PNN: variants seen among roughly 807,000 people sequenced by gnomAD.
PNN encodes pinin, desmosome associated protein.
PNN carries 38 observed loss-of-function variants against 76.6 expected under a neutral mutation model. That is an observed-to-expected ratio of 0.50 (90% CI 0.38 to 0.65). The LOEUF (loss-of-function observed/expected upper bound fraction) is 0.65. Among genes scored for constraint, PNN ranks in the 30% least tolerant of loss-of-function variants. The probability of loss-of-function intolerance (pLI) is 0.00; values close to 1 mark genes in which losing one functional copy is unlikely to be tolerated. For synonymous variants in PNN, 366 were observed against 283.7 expected, an observed-to-expected ratio of 1.29 and a Z score of -2.91; for missense variants, 873 against 874.1, an observed-to-expected ratio of 1.00 and a Z score of 0.02.
intron 5 of PNN, 22 bp downstream of exon 5, chr14:39,177,709 ACT>A: frequency 1.3e-6 from 2 of 1,561,850 alleles, no homozygotes; most frequent in Non-Finnish European, 1.8e-6. Context: ...GGGGAAAAAA[ACT>A]CTAGTGAAAT....
chr14:39,183,065 C>T lies in PNN; in HGVS notation c.*1202C>T, dbSNP rs2053280783. On this transcript the variant is annotated 3_prime_UTR_variant, in exon 9 of 9. Coordinates refer to ENST00000216832, the MANE Select transcript of PNN (RefSeq NM_002687.4). ...CCTTGACTTTGAATATTCATTTTGC[C>T]TTCCCTTGACAAGTAAATGGTTACA... 1 of 152,620 alleles carries T rather than the reference C, an allele frequency of 6.6e-6. No individual in the cohort carries two copies. Among genetic ancestry groups the T allele is most frequent in the South Asian group, 2.1e-4 (1 of 4,832 alleles). The allele number at this position is 152,620 out of a possible 1,614,324, so 9.5% of individuals were successfully genotyped here.
chr14:39,176,398 G>T, intron 2 of PNN, 129 bp from the exon 3 acceptor site: 1 of 707,490 alleles, frequency 1.4e-6, no homozygotes, highest in Non-Finnish European at 2.4e-6. Flanking sequence ...AAGCATTTTG[G>T]AATGAATGCC....
Position 39,182,039 on chromosome 14 carries a change from G to T in PNN, c.*176G>T. The T allele has an allele frequency of 5.5e-6, 3 of 542,484 alleles. No homozygotes were observed. Among genetic ancestry groups the T allele is most frequent in the Non-Finnish European group, 9.1e-6 (3 of 329,796 alleles). 33.6% of individuals were successfully genotyped at this position (542,484 alleles called of 1,614,324 possible). ...ATTCTTGTACTTTTTGCATAATTTT[G>T]TAAGAGTTATTTATCAAAATTATGT... is the stretch of plus-strand genomic sequence containing the variant. On this transcript the variant is annotated 3_prime_UTR_variant, in exon 9 of 9. Coordinates refer to ENST00000216832, the MANE Select transcript of PNN (RefSeq NM_002687.4).
chr14:39,181,106 C>G lies in PNN; in HGVS notation c.1397C>G (p.Ser466Cys). 6.2e-7 allele frequency: 1 copy of G among 1,613,516 alleles called. No homozygotes were observed. Among genetic ancestry groups the G allele is most frequent in the South Asian group, 1.1e-5 (1 of 91,030 alleles). Reference sequence around the variant, plus strand: ...TCTGAGGAAAAAGAAGAAAAAGAATCTGAGCCCCAACCTGAGCCTGTGGCT... The same window carrying G: ...TCTGAGGAAAAAGAAGAAAAAGAATGTGAGCCCCAACCTGAGCCTGTGGCT... Reference protein sequence around the residue: ...KESEEKEEKESEPQPEPVAQP... With the variant: ...KESEEKEEKECEPQPEPVAQP... Residue 466 changes from serine to cysteine, a missense_variant, in exon 9 of 9, where the codon TCT becomes TGT. Transcript: ENST00000216832.
rs1486499372 is a variant in PNN, at chr14:39,180,773, A to G, written c.1064A>G (p.Glu355Gly). The change falls in exon 9 of 9, where the codon GAG becomes GGG. Residue 355 changes from glutamate (E) to glycine (G), a missense_variant. This residue lies in a region of PNN where 712 missense variants were observed against 693.1 expected (regional missense o/e 1.03). Transcript: ENST00000216832. ...AGTGATGCAGAGAAAGAACAGGAGG[A>G]GGAAGAACAAAAACAGGAAATGGAG... ...VHSDAEKEQE[E>G]EEQKQEMEVK... 19 of 1,606,842 alleles carry G rather than the reference A, an allele frequency of 1.2e-5. No individual in the cohort carries two copies. Among genetic ancestry groups the G allele is most frequent in the Non-Finnish European group, 1.6e-5 (19 of 1,176,018 alleles).
In PNN at chr14:39,180,734, T is replaced by C; in HGVS notation, c.1025T>C (p.Ile342Thr). The part of the protein sequence containing the change: ...EEAGEEEEKE[I>T]AIVHSDAEKE... Reference sequence around the variant, plus strand: ...GCAGGAGAGGAAGAGGAAAAGGAAATAGCGATTGTTCATAGTGATGCAGAG... The same window carrying C: ...GCAGGAGAGGAAGAGGAAAAGGAAACAGCGATTGTTCATAGTGATGCAGAG... Residue 342 changes from isoleucine to threonine, a missense_variant, in exon 9 of 9, where the codon ATA (isoleucine) becomes ACA (threonine). Physicochemically the swap from Ile to Thr is moderately conservative, Grantham distance 89 (BLOSUM62 -1). Coordinates refer to ENST00000216832, the MANE Select transcript of PNN (RefSeq NM_002687.4). 6.3e-7 allele frequency: 1 copy of C among 1,595,402 alleles called. No homozygotes were observed. The highest frequency in any genetic ancestry group is 8.5e-7 in the Non-Finnish European group (1 of 1,169,964).
chr14:39,178,430 G>T (rs1489754441), intron 6 of PNN, among the ~76,000 whole-genome samples: 1 of 152,126 alleles, frequency 6.6e-6, no homozygotes, highest in Non-Finnish European at 1.5e-5. Flanking sequence ...TATTTGGGAG[G>T]CGGAGGCAAG....
chr14:39,180,809 A>T lies in PNN; in HGVS notation c.1100A>T (p.Glu367Val). The T allele has an allele frequency of 6.2e-7, 1 of 1,613,386 alleles. No individual in the cohort carries two copies. The highest frequency in any genetic ancestry group is 8.5e-7 in the Non-Finnish European group (1 of 1,179,620). The change falls in exon 9 of 9, where the codon GAG (glutamate) becomes GTG (valine). Residue 367 changes from glutamate to valine, a missense_variant. By Grantham distance (121) the Glu-to-Val change is moderately radical. Transcript: ENST00000216832. ...EQKQEMEVKMEEETEVRESEK... is the reference protein window; with the variant it reads ...EQKQEMEVKMVEETEVRESEK... Reference sequence around the variant, plus strand: ...AAACAGGAAATGGAGGTTAAGATGGAGGAGGAAACTGAGGTAAGGGAAAGT... The same window carrying T: ...AAACAGGAAATGGAGGTTAAGATGGTGGAGGAAACTGAGGTAAGGGAAAGT...
chr14:39,175,413 C>T (rs938499361), intron 1 of PNN, 21 bp downstream of exon 1: 4 of 1,444,596 alleles, frequency 2.8e-6, no homozygotes, highest in Non-Finnish European at 3.9e-6. Context: ...AACGGGAACT[C>T]GGAACTCGGA....
chr14:39,175,815 G>A (rs2053218769), intron 1 of PNN: 2 of 496,064 alleles, frequency 4.0e-6, no homozygotes, highest in East Asian at 7.9e-5. Context: ...CCTCGGGGAT[G>A]GCGGGATGGG....
rs760133939 is a variant in PNN, at chr14:39,182,737, T to G, written c.*874T>G. The G allele has an allele frequency of 3.3e-5, 5 of 152,696 alleles. No individual in the cohort carries two copies. Among genetic ancestry groups the G allele is most frequent in the African/African-American group, 9.6e-5 (4 of 41,484 alleles). 9.5% of individuals were successfully genotyped at this position (152,696 alleles called of 1,614,324 possible). Reference sequence around the variant, plus strand: ...TGGCTCTAACTTAAACATGCTGATATGTGTTTTCAAGAATTTTGTTTAAGG... The same window carrying G: ...TGGCTCTAACTTAAACATGCTGATAGGTGTTTTCAAGAATTTTGTTTAAGG... On this transcript the variant is annotated 3_prime_UTR_variant, in exon 9 of 9. Coordinates refer to ENST00000216832, the MANE Select transcript of PNN (RefSeq NM_002687.4).
At chr14:39,180,087 A>G (rs1170008730) in intron 8 of PNN, among the ~76,000 whole-genome samples, 5 of 152,128 alleles carry the variant, frequency 3.3e-5, no homozygotes, top group Admixed American at 6.6e-5. Context: ...AATAAGACAA[A>G]TGTGAAAACC....
intron 8 of PNN, among the ~76,000 whole-genome samples, chr14:39,180,078 A>G (rs1304208363): frequency 6.6e-6 from 1 of 152,184 alleles, no homozygotes; most frequent in East Asian, 1.9e-4. Flanking sequence ...TAAAATGCTA[A>G]TAAGACAAAT....
Position 39,181,141 on chromosome 14 carries a change from CCTCAGT to C in PNN, c.1438_1443del (p.Ser480_Gln481del). 2 of 1,605,668 alleles carry C rather than the reference CCTCAGT, an allele frequency of 1.2e-6. No homozygotes were observed. The highest frequency in any genetic ancestry group is 1.3e-5 in the African/African-American group (1 of 74,866). ...ACCTGAGCCTGTGGCTCAACCTCAG[CCTCAGT>C]CTCAGCCCCAGCTTCAGCTTCAATC... is the stretch of plus-strand genomic sequence containing the variant. On this transcript the variant is annotated inframe_deletion, in exon 9 of 9. Transcript: ENST00000216832.
Position 39,178,997 on chromosome 14 carries a change from A to G in PNN, c.499-94A>G, listed in dbSNP as rs541193511. 3 of 1,199,842 alleles carry G rather than the reference A, an allele frequency of 2.5e-6. No homozygotes were observed. In the East Asian group the frequency reaches 7.1e-5, roughly 29 times the overall value. 74.3% of individuals were successfully genotyped at this position (1,199,842 alleles called of 1,614,324 possible). A position where few individuals can be genotyped will look rare whatever the true frequency, so the allele number is the denominator to read the frequency against. ...ATGTTTCACGTAATTAGTATGTGTA[A>G]TAACTTTTTATCATAATTGAACTGA... On this transcript the variant is annotated intron_variant, in intron 6 of 8. Transcript: ENST00000216832.
Position 39,175,394 on chromosome 14 carries a change from TA to T in PNN, c.113+4del. The T allele has an allele frequency of 6.3e-7, 1 of 1,581,186 alleles. No individual in the cohort carries two copies. The highest frequency in any genetic ancestry group is 8.7e-7 in the Non-Finnish European group (1 of 1,151,342). On this transcript the variant is annotated splice_donor_region_variant and intron_variant, in intron 1 of 8. Coordinates refer to ENST00000216832, the MANE Select transcript of PNN (RefSeq NM_002687.4). ...CGGGCGGGATCCGAATGACGTGAGGTAAGGGCCTAACGGGAACTCGGAACTC... is the reference window on the plus strand; with the variant it reads ...CGGGCGGGATCCGAATGACGTGAGGTAGGGCCTAACGGGAACTCGGAACTC...
At chr14:39,176,960 A>G (rs1333340950) in intron 3 of PNN, among the ~76,000 whole-genome samples, 1 of 152,258 alleles carries the variant, frequency 6.6e-6, no homozygotes, top group African/African-American at 2.4e-5. Flanking sequence ...ACATTGTAGT[A>G]TCCTTTCTCT....
In PNN at chr14:39,179,460, A is replaced by G. The variant is rs1424624661; in HGVS notation, c.791A>G (p.Asn264Ser). Residue 264 changes from asparagine (N) to serine (S), a missense_variant and splice_region_variant, in exon 8 of 9, where the codon AAC becomes AGC. By Grantham distance (46) the Asn-to-Ser change is conservative (BLOSUM62 1). Transcript: ENST00000216832. ...ATAGAAGAGTCACAGAGAAAAATGA[A>G]CGGTAAGTATGCGAAGAGGTCCATT... ...KLIEESQRKM[N>S]ALFEGRRIEF... 6.2e-7 allele frequency: 1 copy of G among 1,611,320 alleles called. No individual in the cohort carries two copies. Among genetic ancestry groups the G allele is most frequent in the East Asian group, 2.2e-5 (1 of 44,866 alleles).
intron 3 of PNN, 149 bp from the exon 4 acceptor site, chr14:39,177,263 G>A: frequency 1.6e-6 from 1 of 625,054 alleles, no homozygotes; most frequent in Non-Finnish European, 2.8e-6. Flanking sequence ...GCTCACGCCT[G>A]TAGTCCCAGC....
Sources: gnomAD v4.1 joint callset for allele counts (sites outside exome capture counted in the v4.1 genomes callset) on GRCh38, gnomAD v4.1.1 for gene constraint, gnomAD v4.1.1 regional missense constraint, MANE v1.5 for transcripts, NCBI Gene and HGNC (gene_info 2026-07-23, HGNC 2026-07-21) for gene names.